EFNA5: variants seen among roughly 807,000 people sequenced by gnomAD.
EFNA5 encodes the protein ephrin A5.
A neutral mutation model predicts 22.9 loss-of-function variants in EFNA5; 5 were observed. The ratio of observed to expected loss-of-function variants is 0.22; its 90% CI spans 0.11 to 0.46. The LOEUF is 0.46. EFNA5 is among the 20% of genes least tolerant of loss of function. The pLI is 0.99. For synonymous variants in EFNA5, 113 were observed against 112.2 expected (o/e 1.01, Z -0.04); for missense variants, 237 against 293.3 (o/e 0.81, Z 1.40).
At chr5:107,458,546 T>C (rs1441560047) in intron 1 of EFNA5, among the ~76,000 whole-genome samples, 2 of 151,416 alleles carry the variant, frequency 1.3e-5, no homozygotes, top group African/African-American at 4.9e-5. Flanking sequence ...AGAAACAAGG[T>C]GCCTGGAACC....
chr5:107,611,988 A>T (rs565252811), intron 1 of EFNA5, among the ~76,000 whole-genome samples: 1 of 152,350 alleles, frequency 6.6e-6, no homozygotes, highest in African/African-American at 2.4e-5. Context: ...AATAATTTTG[A>T]CAACATATTA....
At chr5:107,623,819 CAAGA>C (rs1174689040) in intron 1 of EFNA5, among the ~76,000 whole-genome samples, 1 of 151,692 alleles carries the variant, frequency 6.6e-6, no homozygotes, top group Non-Finnish European at 1.5e-5. Flanking sequence ...CAAAAAATGA[CAAGA>C]AAGAAGTTTT....
chr5:107,481,158 T>C (rs1750449016), intron 1 of EFNA5, among the ~76,000 whole-genome samples: 1 of 152,086 alleles, frequency 6.6e-6, no homozygotes, highest in Non-Finnish European at 1.5e-5. Flanking sequence ...AAGCCAGAAA[T>C]ACAGACTGAG....
intron 1 of EFNA5, among the ~76,000 whole-genome samples, chr5:107,547,892 T>G (rs1222051189): frequency 6.6e-6 from 1 of 152,206 alleles, no homozygotes; most frequent in Non-Finnish European, 1.5e-5. Flanking sequence ...TGAATCACTA[T>G]TTTTTGAACA....
chr5:107,637,650 T>C (rs1333069172), intron 1 of EFNA5, among the ~76,000 whole-genome samples: 1 of 149,816 alleles, frequency 6.7e-6, no homozygotes, highest in Non-Finnish European at 1.5e-5. Context: ...TGTGTGTGTA[T>C]ATATACATAA....
At chr5:107,508,149 T>C (rs959529581) in intron 1 of EFNA5, among the ~76,000 whole-genome samples, 8 of 152,200 alleles carry the variant, frequency 5.3e-5, no homozygotes, top group African/African-American at 1.9e-4. Flanking sequence ...TCAGGTCTCC[T>C]TCCTCCTGCC....
In EFNA5 at chr5:107,380,787, T is replaced by C. The variant is rs1580411482; in HGVS notation, c.*468A>G. On this transcript the variant is annotated 3_prime_UTR_variant, in exon 5 of 5. Transcript: ENST00000333274. ...GGTGACATGATGCCCTGCGCGATCA[T>C]CTTACAGTTCTGAATGAGAAGGCAT... 1 of 401,310 alleles carries C rather than the reference T, an allele frequency of 2.5e-6. No individual in the cohort carries two copies. The highest frequency in any genetic ancestry group is 4.4e-6 in the Non-Finnish European group (1 of 227,578). 24.9% of individuals were successfully genotyped at this position (401,310 alleles called of 1,614,324 possible).
chr5:107,588,599 T>C (rs1263095413), intron 1 of EFNA5, among the ~76,000 whole-genome samples: 1 of 152,260 alleles, frequency 6.6e-6, no homozygotes, highest in Non-Finnish European at 1.5e-5. Flanking sequence ...CTGTATCGTA[T>C]CTGCATTTCA....
chr5:107,586,038 T>C (rs1378936934), intron 1 of EFNA5, among the ~76,000 whole-genome samples: 2 of 152,084 alleles, frequency 1.3e-5, no homozygotes, highest in Admixed American at 6.6e-5. Context: ...AAACTAAAGC[T>C]AGAGTGGATG....
intron 1 of EFNA5, among the ~76,000 whole-genome samples, chr5:107,518,301 C>A (rs1342473256): frequency 6.7e-6 from 1 of 150,352 alleles, no homozygotes; most frequent in Non-Finnish European, 1.5e-5. Context: ...GAATAAAAAG[C>A]CATTGCAGAC....
At chr5:107,636,007 A>G (rs1436993738) in intron 1 of EFNA5, among the ~76,000 whole-genome samples, 1 of 152,218 alleles carries the variant, frequency 6.6e-6, no homozygotes, top group African/African-American at 2.4e-5. Context: ...TTATGACTTT[A>G]AAATATTTTT....
intron 1 of EFNA5, among the ~76,000 whole-genome samples, chr5:107,611,989 C>T (rs1458574715): frequency 6.6e-5 from 10 of 152,076 alleles, no homozygotes; most frequent in African/African-American, 2.4e-4. Flanking sequence ...ATAATTTTGA[C>T]AACATATTAA....
chr5:107,575,499 A>C (rs1748909915), intron 1 of EFNA5, among the ~76,000 whole-genome samples: 1 of 152,170 alleles, frequency 6.6e-6, no homozygotes, highest in African/African-American at 2.4e-5. Flanking sequence ...AATGTGTTAG[A>C]GATACTTTTC....
intron 1 of EFNA5, among the ~76,000 whole-genome samples, chr5:107,452,222 G>A (rs1749578742): frequency 1.3e-5 from 2 of 152,086 alleles, no homozygotes; most frequent in South Asian, 4.1e-4. Flanking sequence ...CCGGGGTTGG[G>A]GGTGAGGGGA....
chr5:107,442,665 TATATA>T (rs1404930037), intron 1 of EFNA5, among the ~76,000 whole-genome samples: 3 of 152,214 alleles, frequency 2.0e-5, no homozygotes, highest in African/African-American at 4.8e-5. Flanking sequence ...GAAACAAAGC[TATATA>T]ATATAACCAT....
At chr5:107,427,833 A>G (rs541574489) in intron 1 of EFNA5, among the ~76,000 whole-genome samples, 2 of 152,230 alleles carry the variant, frequency 1.3e-5, no homozygotes, top group Admixed American at 6.5e-5. Context: ...GCTGTTTTCC[A>G]TGTTTCCTTT....
intron 2 of EFNA5, among the ~76,000 whole-genome samples, chr5:107,426,601 T>G (rs1748815524): frequency 6.6e-6 from 1 of 152,260 alleles, no homozygotes; most frequent in Admixed American, 6.5e-5. Flanking sequence ...GAGAAAGTTT[T>G]AGAGCTCTCC....
At chr5:107,650,790 G>A (rs937350696) in intron 1 of EFNA5, among the ~76,000 whole-genome samples, 2 of 152,024 alleles carry the variant, frequency 1.3e-5, no homozygotes, top group African/African-American at 4.8e-5. Context: ...CAGCCTTCAG[G>A]AACCAAGCTT....
chr5:107,554,841 C>A (rs184112704), intron 1 of EFNA5, among the ~76,000 whole-genome samples: 1 of 150,702 alleles, frequency 6.6e-6, no homozygotes, highest in East Asian at 1.9e-4. Flanking sequence ...ACTAAATGCC[C>A]GAGCCAAGAT....
Sources: gnomAD v4.1 joint callset for allele counts (sites outside exome capture counted in the v4.1 genomes callset) on GRCh38, gnomAD v4.1.1 for gene constraint, MANE v1.5 for transcripts, NCBI Gene and HGNC (gene_info 2026-07-23, HGNC 2026-07-21) for gene names.